UBE3A: variants seen among roughly 807,000 people sequenced by gnomAD.
UBE3A encodes the protein ubiquitin protein ligase E3A.
UBE3A carries 6 observed loss-of-function variants against 83.4 expected under a neutral mutation model. That is an observed-to-expected ratio of 0.07 (90% CI 0.04 to 0.14). The LOEUF (loss-of-function observed/expected upper bound fraction) is 0.14, where lower values mean the gene tolerates loss of function less well. Ranked by LOEUF, UBE3A falls within the 10% of genes least tolerant of loss-of-function variation. The pLI, the probability that UBE3A is intolerant of heterozygous loss-of-function variation, is 1.00. For missense variants in UBE3A, 456 were observed against 1,036.1 expected, an observed-to-expected ratio of 0.44 and a Z score of 7.69; for synonymous variants, 337 against 355.4, an observed-to-expected ratio of 0.95 and a Z score of 0.58.
chr15:25,410,057 TG>T (rs1596302630), intron 2 of UBE3A, among the ~76,000 whole-genome samples: 1 of 152,208 alleles, frequency 6.6e-6, no homozygotes, highest in East Asian at 1.9e-4. Flanking sequence ...GACGAGTTAA[TG>T]GGTGCAGCAC....
At chr15:25,430,440 G>C (rs1893112412) in intron 1 of UBE3A, among the ~76,000 whole-genome samples, 1 of 148,560 alleles carries the variant, frequency 6.7e-6, no homozygotes, top group Non-Finnish European at 1.5e-5. Flanking sequence ...ATTTAAGAGA[G>C]AGATTAGCCC....
chr15:25,416,063 ATAT>A (rs1349341970), intron 1 of UBE3A, among the ~76,000 whole-genome samples: 11 of 152,208 alleles, frequency 7.2e-5, no homozygotes, highest in African/African-American at 2.7e-4. Flanking sequence ...ATATTAAAAC[ATAT>A]TAACTTAAAT....
At chr15:25,388,812 G>A (rs536807082) in intron 4 of UBE3A, among the ~76,000 whole-genome samples, 2 of 152,218 alleles carry the variant, frequency 1.3e-5, no homozygotes, top group East Asian at 3.9e-4. Flanking sequence ...TAGCTTTCCT[G>A]TAAACCAGCA....
chr15:25,340,105 T>G lies in UBE3A; in HGVS notation c.2478A>C (p.Lys826Asn), dbSNP rs1375614935. ...CCTACCTTTCTGTGTCTGGGCCATT[T>G]TTGGCTATAATCATCTTTAATTTTC... ...GLGKLKMIIA[K>N]NGPDTERLPT... is the part of the protein sequence containing the mutation. Residue 826 changes from lysine (K) to asparagine (N), a missense_variant, in exon 12 of 13, where the codon AAA becomes AAC. Physicochemically the swap from Lys to Asn is moderately conservative, Grantham distance 94 (BLOSUM62 0). Coordinates refer to ENST00000648336, the MANE Select transcript of UBE3A (RefSeq NM_130839.5). The G allele has an allele frequency of 6.2e-7, 1 of 1,613,966 alleles. No homozygotes were observed. Among genetic ancestry groups the G allele is most frequent in the African/African-American group, 1.3e-5 (1 of 74,928 alleles).
rs567815604 is a variant in UBE3A at position 25,334,803 on chromosome 15, A to T, written c.*4334T>A. The T allele has an allele frequency of 6.6e-6, 1 of 152,294 alleles. No homozygotes were observed. The highest frequency in any genetic ancestry group is 2.1e-4 in the South Asian group (1 of 4,822). 9.4% of individuals were successfully genotyped at this position (152,294 alleles called of 1,614,324 possible). ...CCAGGACCATTCATGGGGAAATAAT[A>T]GTCTTTTCAACAACTGGTGCTTGGG... On this transcript the variant is annotated 3_prime_UTR_variant, in exon 13 of 13. Coordinates refer to ENST00000648336, the MANE Select transcript of UBE3A (RefSeq NM_130839.5).
chr15:25,360,832 G>A (rs767079802), intron 6 of UBE3A, among the ~76,000 whole-genome samples: 1 of 140,190 alleles, frequency 7.1e-6, no homozygotes. Context: ...GACTACACAG[G>A]ACATGGAAAA....
chr15:25,435,968 GT>G (rs1894957466), intron 1 of UBE3A, among the ~76,000 whole-genome samples: 2 of 152,152 alleles, frequency 1.3e-5, no homozygotes, highest in South Asian at 4.1e-4. Flanking sequence ...CGTGTTAGGC[GT>G]TTTACATACT....
chr15:25,341,783 CAAAAA>C (rs60827150), intron 11 of UBE3A, among the ~76,000 whole-genome samples: 3 of 81,648 alleles, frequency 3.7e-5, no homozygotes, highest in African/African-American at 8.1e-5. Context: ...AATTTCATCT[CAAAAA>C]AAAAAAAAAA....
chr15:25,414,282 T>C (rs962368591), intron 1 of UBE3A, among the ~76,000 whole-genome samples: 1 of 152,146 alleles, frequency 6.6e-6, no homozygotes. Flanking sequence ...ACTGTGTAGG[T>C]TGATACTTGT....
In UBE3A at chr15:25,340,167, T is replaced by C. The variant is rs2074503291; in HGVS notation, c.2416A>G (p.Thr806Ala). 1 of 1,614,116 alleles carries C rather than the reference T, an allele frequency of 6.2e-7. No homozygotes were observed. The highest frequency in any genetic ancestry group is 8.5e-7 in the Non-Finnish European group (1 of 1,179,988). Reference sequence around the variant, plus strand: ...ACAGGTGCTCTGTCTGTGCCCGTTGTAAACTGCAAGAAGAGTCTTTTCTGT... The same window carrying C: ...ACAGGTGCTCTGTCTGTGCCCGTTGCAAACTGCAAGAAGAGTCTTTTCTGT... ...DEQKRLFLQF[T>A]TGTDRAPVGG... Residue 806 changes from threonine to alanine, a missense_variant, in exon 12 of 13, where the codon ACA (threonine) becomes GCA (alanine). By Grantham distance (58) the Thr-to-Ala change is moderately conservative. This residue lies in a region of UBE3A where 82 missense variants were observed against 199.3 expected (regional missense o/e 0.41). Coordinates refer to ENST00000648336, the MANE Select transcript of UBE3A (RefSeq NM_130839.5).
chr15:25,433,712 A>T (rs996725795), intron 1 of UBE3A, among the ~76,000 whole-genome samples: 2 of 152,016 alleles, frequency 1.3e-5, no homozygotes, highest in African/African-American at 4.8e-5. Flanking sequence ...TTTATAAATA[A>T]TTTTTAGGGA....
chr15:25,405,742 G>A (rs1368900479), intron 3 of UBE3A: 4 of 537,362 alleles, frequency 7.4e-6, no homozygotes, highest in African/African-American at 3.8e-5. Context: ...AACTGTAAAC[G>A]CTATACATAG....
In UBE3A at chr15:25,383,304, C is replaced by A. The variant is rs570126487; in HGVS notation, c.63-7541G>T. Among the ~76,000 whole-genome samples the A allele has an allele frequency of 7.2e-5, 11 of 152,206 alleles. No individual in the cohort carries two copies. The South Asian group carries it at 2.3e-3, about 32-fold the overall frequency. ...GACAAAAACCAATAATCTCAACTGA[C>A]TCAGAAGAAGCATTTGACAAAAATC... On this transcript the variant is annotated intron_variant, in intron 4 of 12. Coordinates refer to ENST00000648336, the MANE Select transcript of UBE3A (RefSeq NM_130839.5).
At position 25,435,100 on chromosome 15, in the gene UBE3A, G is replaced by A. The variant is rs1596534982; in HGVS notation, c.-165+3389C>T. On this transcript the variant is annotated intron_variant, in intron 1 of 12. Coordinates refer to ENST00000648336, the MANE Select transcript of UBE3A (RefSeq NM_130839.5). ...GAAGTAATGCATGTGCCAGAGGGTT[G>A]AACTTTTTAAAAGGAGTAAAAAAGT... Among the ~76,000 whole-genome samples, 3 of 150,762 alleles carry A rather than the reference G, an allele frequency of 2.0e-5. No individual in the cohort carries two copies. The Middle Eastern group carries it at 0.01, about 527-fold the overall frequency.
At chr15:25,354,897 G>A (rs780126914) in intron 9 of UBE3A, among the ~76,000 whole-genome samples, 1 of 149,844 alleles carries the variant, frequency 6.7e-6, no homozygotes, top group Non-Finnish European at 1.5e-5. Context: ...AAACTGTCAA[G>A]AATATTCTTA....
chr15:25,383,098 T>C (rs2082482301), intron 4 of UBE3A, among the ~76,000 whole-genome samples: 1 of 151,942 alleles, frequency 6.6e-6, no homozygotes, highest in South Asian at 2.1e-4. Flanking sequence ...CAGACAAATT[T>C]ACAAGAAAAA....
intron 4 of UBE3A, among the ~76,000 whole-genome samples, chr15:25,403,374 C>T (rs573827322): frequency 3.0e-4 from 46 of 152,248 alleles, no homozygotes; most frequent in Non-Finnish European, 5.3e-4. Flanking sequence ...TAAAAAGTTT[C>T]GTGGTCACTA....
At chr15:25,376,419 G>C (rs568625267) in intron 4 of UBE3A, among the ~76,000 whole-genome samples, 26 of 152,220 alleles carry the variant, frequency 1.7e-4, no homozygotes, top group African/African-American at 4.6e-4. Flanking sequence ...GGCTGAGGCA[G>C]GCCGACTACT....
Position 25,371,956 on chromosome 15 carries a change from TA to T in UBE3A, c.362-145del. ...TACAACTCTTAAAGTATCTAATACT[TA>T]GATTCAGCAAACAAAATTTAATGCT... On this transcript the variant is annotated intron_variant, in intron 5 of 12. Transcript: ENST00000648336. The surrounding 1 kb of genome is among the most constrained non-coding windows in gnomAD (Gnocchi z 5.3). 1.1e-6 allele frequency: 1 copy of T among 889,360 alleles called. No homozygotes were observed. The highest frequency in any genetic ancestry group is 1.7e-6 in the Non-Finnish European group (1 of 602,744). 55.1% of individuals were successfully genotyped at this position (889,360 alleles called of 1,614,324 possible).
Sources: allele counts gnomAD v4.1 joint callset (sites outside exome capture counted in the v4.1 genomes callset), GRCh38; gene constraint gnomAD v4.1.1; regional missense constraint gnomAD v4.1.1; non-coding constraint Gnocchi (gnomAD v3.1); transcripts MANE v1.5; gene names NCBI Gene and HGNC (gene_info 2026-07-23, HGNC 2026-07-21).